The following MLIP variants were observed in gnomAD, a reference collection of about 807,000 sequenced individuals.
The protein encoded by MLIP is muscular LMNA-interacting protein.
MLIP carries 79 observed loss-of-function variants against 84.8 expected under a neutral mutation model. The observed-to-expected ratio is 0.93, with a 90% CI of 0.78 to 1.12. The LOEUF is 1.12. Ranked by LOEUF, MLIP falls within the 50% of genes most tolerant of loss-of-function variation. The pLI, the probability that MLIP is intolerant of heterozygous loss-of-function variation, is 0.00. For synonymous variants in MLIP, 504 were observed against 463.0 expected (o/e 1.09, Z -1.14); for missense variants, 1,257 against 1,160.6 (o/e 1.08, Z -1.21).
At chr6:54,228,614 T>G (rs1780769507) in intron 11 of MLIP, among the ~76,000 whole-genome samples, 1 of 152,196 alleles carries the variant, frequency 6.6e-6, no homozygotes, top group East Asian at 1.9e-4. Context: ...TAGCACACTC[T>G]CTGCAAACAT....
Position 54,169,535 on chromosome 6 carries a change from C to T in MLIP, c.2507C>T (p.Thr836Ile), listed in dbSNP as rs1775556065. Residue 836 changes from threonine (T) to isoleucine (I), a missense_variant, in exon 9 of 14, where the codon ACA (threonine) becomes ATA (isoleucine). Coordinates refer to ENST00000502396, the MANE Select transcript of MLIP (RefSeq NM_001281747.2). The part of the protein sequence containing the change: ...LLGSDTVKTP[T>I]TLPRAAGRET... Reference sequence around the variant, plus strand: ...GTTTTTATTTTCATACAGACTCCTACAACTCTTCCAAGAGCAGCTGGTCGA... The same window carrying T: ...GTTTTTATTTTCATACAGACTCCTATAACTCTTCCAAGAGCAGCTGGTCGA... 1 of 1,590,760 alleles carries T rather than the reference C, an allele frequency of 6.3e-7. No homozygotes were observed. Among genetic ancestry groups the T allele is most frequent in the Non-Finnish European group, 8.6e-7 (1 of 1,168,688 alleles).
At chr6:54,202,320 A>G (rs976412578) in intron 11 of MLIP, 87 bp downstream of exon 11, 3 of 717,890 alleles carry the variant, frequency 4.2e-6, no homozygotes, top group African/African-American at 2.0e-5. Flanking sequence ...ATATTTTGAT[A>G]AATATAAAAT....
intron 1 of MLIP, among the ~76,000 whole-genome samples, chr6:54,072,864 G>A (rs1766570084): frequency 6.6e-6 from 1 of 152,196 alleles, no homozygotes; most frequent in African/African-American, 2.4e-5. Context: ...AATGCCAGAG[G>A]AACAAATGGC....
At chr6:54,096,111 T>C (rs1471662495) in intron 1 of MLIP, among the ~76,000 whole-genome samples, 1 of 152,194 alleles carries the variant, frequency 6.6e-6, no homozygotes, top group Non-Finnish European at 1.5e-5. Flanking sequence ...GATTTGTTCT[T>C]ACAAAGGAAC....
chr6:54,213,734 A>AAAAAAAAAAAACC (rs368508685), intron 11 of MLIP, among the ~76,000 whole-genome samples: 2 of 82,372 alleles, frequency 2.4e-5, no homozygotes, highest in African/African-American at 4.5e-5. Flanking sequence ...AAAAAAAAAA[A>AAAAAAAAAAAACC]AACAACAAAC....
intron 12 of MLIP, among the ~76,000 whole-genome samples, chr6:54,237,064 T>C (rs916287760): frequency 6.6e-6 from 1 of 151,972 alleles, no homozygotes; most frequent in Non-Finnish European, 1.5e-5. Flanking sequence ...GTACCTTTGT[T>C]TGGTTTTCTC....
At chr6:54,080,325 A>T (rs1474893848) in intron 1 of MLIP, among the ~76,000 whole-genome samples, 3 of 152,154 alleles carry the variant, frequency 2.0e-5, no homozygotes, top group Non-Finnish European at 1.5e-5. Context: ...AAACAAAAAA[A>T]TTATATGTTT....
intron 12 of MLIP, among the ~76,000 whole-genome samples, chr6:54,234,402 C>A (rs1781225255): frequency 6.6e-6 from 1 of 152,080 alleles, no homozygotes; most frequent in Non-Finnish European, 1.5e-5. Flanking sequence ...TATCACTAAG[C>A]TTTCTGGGAT....
chr6:54,122,581 T>G (rs951174630), intron 2 of MLIP, among the ~76,000 whole-genome samples: 1 of 152,218 alleles, frequency 6.6e-6, no homozygotes, highest in Non-Finnish European at 1.5e-5. Flanking sequence ...CAAGAAAACA[T>G]CTTATCTAGA....
chr6:54,185,135 T>G (rs1210984568), intron 9 of MLIP, among the ~76,000 whole-genome samples: 1 of 152,192 alleles, frequency 6.6e-6, no homozygotes, highest in Non-Finnish European at 1.5e-5. Flanking sequence ...GATGACATAA[T>G]TATAGCTATA....
intron 4 of MLIP, among the ~76,000 whole-genome samples, chr6:54,146,254 A>T (rs1272782484): frequency 6.6e-6 from 1 of 152,204 alleles, no homozygotes; most frequent in East Asian, 1.9e-4. Flanking sequence ...AACTAAGGAG[A>T]TGATCCCAAT....
intron 1 of MLIP, among the ~76,000 whole-genome samples, chr6:54,027,859 T>C (rs1245540800): frequency 1.3e-5 from 2 of 152,220 alleles, no homozygotes; most frequent in Non-Finnish European, 2.9e-5. Context: ...TAGCTCTGTG[T>C]GATGGCGAAT....
chr6:54,098,150 T>TTC (rs200758320), intron 1 of MLIP, among the ~76,000 whole-genome samples: 51,757 of 91,768 alleles, frequency 0.56, 12,279 homozygotes, highest in East Asian at 0.65. Flanking sequence ...TTTTCTTTCT[T>TTC]TTTTTTTTTT....
At chr6:54,062,357 A>G (rs1480941515) in intron 1 of MLIP, among the ~76,000 whole-genome samples, 1 of 152,110 alleles carries the variant, frequency 6.6e-6, no homozygotes, top group Non-Finnish European at 1.5e-5. Flanking sequence ...TTTCTGTAAT[A>G]TGTTGTTTGA....
At chr6:54,133,622 A>C (rs1227789443) in intron 3 of MLIP, among the ~76,000 whole-genome samples, 1 of 152,202 alleles carries the variant, frequency 6.6e-6, no homozygotes, top group Non-Finnish European at 1.5e-5. Context: ...TTGAATATAT[A>C]TACAGGAGCA....
intron 11 of MLIP, 30 bp from the exon 12 acceptor site, chr6:54,230,684 T>C: frequency 6.2e-7 from 1 of 1,606,858 alleles, no homozygotes; most frequent in Non-Finnish European, 8.5e-7. Flanking sequence ...TATGCTAACA[T>C]CCTCTTATGC....
intron 1 of MLIP, among the ~76,000 whole-genome samples, chr6:54,075,497 G>A (rs1364299669): frequency 6.6e-6 from 1 of 152,062 alleles, no homozygotes; most frequent in African/African-American, 2.4e-5. Context: ...GCTAATATAT[G>A]AGTCTGTTAA....
intron 1 of MLIP, among the ~76,000 whole-genome samples, chr6:54,032,603 G>A (rs370350161): frequency 6.6e-6 from 1 of 152,254 alleles, no homozygotes; most frequent in African/African-American, 2.4e-5. Flanking sequence ...GCCCAGGCTG[G>A]AGTGCAGTGG....
At chr6:54,213,166 G>A (rs1779581621) in intron 11 of MLIP, among the ~76,000 whole-genome samples, 1 of 152,302 alleles carries the variant, frequency 6.6e-6, no homozygotes, top group East Asian at 1.9e-4. Context: ...TCTCTGGAAA[G>A]TGATGTGAGA....
Sources: allele counts gnomAD v4.1 joint callset (sites outside exome capture counted in the v4.1 genomes callset), GRCh38; gene constraint gnomAD v4.1.1; transcripts MANE v1.5; gene names NCBI Gene and HGNC (gene_info 2026-07-23, HGNC 2026-07-21).